The following C4orf33 variants were observed in gnomAD, a reference collection of about 807,000 sequenced individuals.
C4orf33 encodes the protein chromosome 4 open reading frame 33.
In C4orf33, 20 loss-of-function variants were observed where a neutral mutation model predicts 24.3. The ratio of observed to expected loss-of-function variants is 0.82; its 90% CI spans 0.58 to 1.19. C4orf33 has a LOEUF of 1.19. C4orf33 is among the 50% of genes most tolerant of loss of function. The probability of loss-of-function intolerance (pLI) is 0.00; values close to 1 mark genes in which losing one functional copy is unlikely to be tolerated. For synonymous variants in C4orf33, 67 were observed against 76.4 expected (o/e 0.88, Z 0.64); for missense variants, 207 against 225.9 (o/e 0.92, Z 0.54).
chr4:129,111,194 A>C (rs1374567107), intron 5 of C4orf33, among the ~76,000 whole-genome samples: 1 of 152,222 alleles, frequency 6.6e-6, no homozygotes, highest in Admixed American at 6.5e-5. Context: ...TAATGTAGTT[A>C]AGTGGTTTTC....
chr4:129,100,016 A>T (rs1463254599), intron 1 of C4orf33, among the ~76,000 whole-genome samples: 2 of 152,178 alleles, frequency 1.3e-5, no homozygotes, highest in Non-Finnish European at 2.9e-5. Context: ...TGGACTGATC[A>T]GCCATGCACT....
At position 129,116,052 on chromosome 4, in the gene C4orf33, A is replaced by AG. The variant is rs1000599268; in HGVS notation, c.*4262dup. ...ATTTTTCATGGAAGGAATAGTAAAA[A>AG]GAGTTACCTCTGAAGCTAAGATGAC... On this transcript the variant is annotated 3_prime_UTR_variant, in exon 6 of 6. Transcript: ENST00000425929. 2 of 151,800 alleles carry AG rather than the reference A, an allele frequency of 1.3e-5. No individual in the cohort carries two copies. Among genetic ancestry groups the AG allele is most frequent in the African/African-American group, 4.8e-5 (2 of 41,394 alleles). The allele number at this position is 151,800 out of a possible 1,614,324, so 9.4% of individuals were successfully genotyped here.
intron 3 of C4orf33, among the ~76,000 whole-genome samples, chr4:129,108,932 G>A (rs927769335): frequency 7.3e-5 from 11 of 151,410 alleles, no homozygotes; most frequent in Admixed American, 1.3e-4. Flanking sequence ...TTGTTGCCAC[G>A]CTGGAGTACA....
Position 129,103,016 on chromosome 4 carries a change from A to ATTT in C4orf33, c.181+244_181+246dup, listed in dbSNP as rs11383422. 572 of 176,002 alleles carry ATTT rather than the reference A, an allele frequency of 3.2e-3. 4 individuals are homozygous for ATTT. Among genetic ancestry groups the ATTT allele is most frequent in the Middle Eastern group, 0.01 (5 of 478 alleles). The allele number at this position is 176,002 out of a possible 1,614,324, so 10.9% of individuals were successfully genotyped here. On this transcript the variant is annotated intron_variant, in intron 2 of 5. Transcript: ENST00000425929. The stretch of plus-strand genomic sequence containing the variant: ...TAAAAAATGGCAATTACAAATCCAG[A>ATTT]TTTTTTTTTTTTTTTTTTTTTGAGA...
Position 129,109,495 on chromosome 4 carries a change from GAA to G in C4orf33, c.318_319del (p.Arg106SerfsTer37), listed in dbSNP as rs1481746960. The G allele has an allele frequency of 1.2e-6, 2 of 1,613,618 alleles. No individual in the cohort carries two copies. The highest frequency in any genetic ancestry group is 2.2e-5 in the South Asian group (2 of 91,060). On this transcript the variant is annotated frameshift_variant, in exon 5 of 6. Transcript: ENST00000425929. LOFTEE classifies it high-confidence loss of function. ...TAGCAAGAACTTCCTTTATCGTTCA[GAA>G]TGTCCAGAGGAGAGACAAAATGGGA...
rs931597898 is a variant in C4orf33 at position 129,115,391 on chromosome 4, C to T, written c.*3600C>T. The T allele has an allele frequency of 6.6e-6, 1 of 152,124 alleles. No homozygotes were observed. Among genetic ancestry groups the T allele is most frequent in the Non-Finnish European group, 1.5e-5 (1 of 68,040 alleles). The allele number at this position is 152,124 out of a possible 1,614,324, so 9.4% of individuals were successfully genotyped here. ...TTCTGTATTAGTGCTTTTCTGACAC[C>T]TCAGTTATGTGGAACACCTGTGGGA... is the stretch of plus-strand genomic sequence containing the variant. On this transcript the variant is annotated 3_prime_UTR_variant, in exon 6 of 6. Coordinates refer to ENST00000425929, the MANE Select transcript of C4orf33 (RefSeq NM_001099783.2).
At chr4:129,102,311 A>G (rs113161972) in intron 1 of C4orf33, 7 of 220,552 alleles carry the variant, frequency 3.2e-5, no homozygotes, top group Non-Finnish European at 5.3e-5. Flanking sequence ...ATCACTTTTC[A>G]TGTTGAGGTC....
intron 2 of C4orf33, 28 bp from the exon 3 acceptor site, chr4:129,106,559 C>T (rs369388668): frequency 7.8e-6 from 9 of 1,155,790 alleles, no homozygotes; most frequent in Non-Finnish European, 1.0e-5. Context: ...TTAAATATCT[C>T]AATATGTTAT....
chr4:129,102,571 A>G (rs769916599), intron 1 of C4orf33, 31 bp from the exon 2 acceptor site: 1 of 1,475,642 alleles, frequency 6.8e-7, no homozygotes, highest in Non-Finnish European at 9.3e-7. Context: ...GTATATTGTT[A>G]AAGAGTTTGT....
intron 4 of C4orf33, 44 bp from the exon 5 acceptor site, chr4:129,109,429 T>TAAA (rs1753619825): frequency 6.2e-7 from 1 of 1,602,794 alleles, no homozygotes; most frequent in African/African-American, 1.3e-5. Flanking sequence ...GTTTAAAGTG[T>TAAA]AAGCCCAATT....
In C4orf33 at chr4:129,109,487, A is replaced by G. The variant is rs764279956; in HGVS notation, c.309A>G (p.Leu103=). The G allele has an allele frequency of 1.4e-5, 23 of 1,613,126 alleles. No individual in the cohort carries two copies. The highest frequency in any genetic ancestry group is 1.5e-5 in the Non-Finnish European group (18 of 1,179,218). ...TGTTTCTGTAGCAAGAACTTCCTTT[A>G]TCGTTCAGAATGTCCAGAGGAGAGA... ...RRNVWKQELP[L]SFRMSRGETK... Residue 103 remains leucine (L), a synonymous_variant, in exon 5 of 6, where the codon TTA becomes TTG. Transcript: ENST00000425929.
At position 129,113,057 on chromosome 4, in the gene C4orf33, T is replaced by C. The variant is rs540154401; in HGVS notation, c.*1266T>C. 1.3e-5 allele frequency: 2 copies of C among 152,228 alleles called. No homozygotes were observed. The highest frequency in any genetic ancestry group is 3.9e-4 in the East Asian group (2 of 5,188). 9.4% of individuals were successfully genotyped at this position (152,228 alleles called of 1,614,324 possible). A position where few individuals can be genotyped will look rare whatever the true frequency, so the allele number is the denominator to read the frequency against. ...ATCAAAATAAAAACAAGATATATTT[T>C]AGAGCATCTTGATTTTAGAAGCGAA... On this transcript the variant is annotated 3_prime_UTR_variant, in exon 6 of 6. Transcript: ENST00000425929.
intron 2 of C4orf33, among the ~76,000 whole-genome samples, chr4:129,103,897 G>A (rs1753438858): frequency 1.3e-5 from 2 of 152,088 alleles, no homozygotes; most frequent in Non-Finnish European, 2.9e-5. Flanking sequence ...CCATTTGTAA[G>A]CACACATTTT....
At chr4:129,101,397 T>C (rs1304677355) in intron 1 of C4orf33, among the ~76,000 whole-genome samples, 2 of 152,092 alleles carry the variant, frequency 1.3e-5, no homozygotes, top group Admixed American at 1.3e-4. Flanking sequence ...AGATTTCAGA[T>C]AAAAGAAGTT....
chr4:129,111,561 C>A lies in C4orf33; in HGVS notation c.495-125C>A, dbSNP rs1490321210. 6 of 566,574 alleles carry A rather than the reference C, an allele frequency of 1.1e-5. 1 individual carries two copies. The highest frequency in any genetic ancestry group is 6.7e-5 in the Admixed American group (2 of 29,744). The allele number at this position is 566,574 out of a possible 1,614,324, so 35.1% of individuals were successfully genotyped here. A position where few individuals can be genotyped will look rare whatever the true frequency, so the allele number is the denominator to read the frequency against. On this transcript the variant is annotated intron_variant, in intron 5 of 5. Transcript: ENST00000425929. ...AACTGTACATATAAAATATATCTTA[C>A]CTTTAGTATTGCTTAAAATAGAATG...
In C4orf33 at chr4:129,114,340, T is replaced by A. The variant is rs542531643; in HGVS notation, c.*2549T>A. 2 of 152,328 alleles carry A rather than the reference T, an allele frequency of 1.3e-5. No homozygotes were observed. The highest frequency in any genetic ancestry group is 3.9e-4 in the East Asian group (2 of 5,184). The allele number at this position is 152,328 out of a possible 1,614,324, so 9.4% of individuals were successfully genotyped here. On this transcript the variant is annotated 3_prime_UTR_variant, in exon 6 of 6. Coordinates refer to ENST00000425929, the MANE Select transcript of C4orf33 (RefSeq NM_001099783.2). ...CATCCCTCAGTTTAACAATTTATGGTCCCTTCCACACAGCTCCTCAGAAGT... is the reference window on the plus strand; with the variant it reads ...CATCCCTCAGTTTAACAATTTATGGACCCTTCCACACAGCTCCTCAGAAGT...
chr4:129,105,030 G>T (rs1753474624), intron 2 of C4orf33, among the ~76,000 whole-genome samples: 1 of 151,900 alleles, frequency 6.6e-6, no homozygotes, highest in African/African-American at 2.4e-5. Flanking sequence ...GAGTATGTGT[G>T]CTTATGTATG....
At chr4:129,103,785 T>G (rs548483742) in intron 2 of C4orf33, among the ~76,000 whole-genome samples, 2 of 152,326 alleles carry the variant, frequency 1.3e-5, no homozygotes, top group Admixed American at 1.3e-4. Context: ...ACCTTCTCAT[T>G]CTATTCCCCC....
Position 129,112,061 on chromosome 4 carries a change from C to T in C4orf33, c.*270C>T. 4.1e-6 allele frequency: 1 copy of T among 246,740 alleles called. No individual in the cohort carries two copies. Among genetic ancestry groups the T allele is most frequent in the Non-Finnish European group, 7.8e-6 (1 of 128,446 alleles). 15.3% of individuals were successfully genotyped at this position (246,740 alleles called of 1,614,324 possible). ...ATTCCCAGCACACAGTACAGTTATT[C>T]TTGAAAACTACAAGTGAAAAAGGGG... On this transcript the variant is annotated 3_prime_UTR_variant, in exon 6 of 6. Coordinates refer to ENST00000425929, the MANE Select transcript of C4orf33 (RefSeq NM_001099783.2).
Sources: gnomAD v4.1 joint callset for allele counts (sites outside exome capture counted in the v4.1 genomes callset) on GRCh38, gnomAD v4.1.1 for gene constraint, MANE v1.5 for transcripts, NCBI Gene and HGNC (gene_info 2026-07-23, HGNC 2026-07-21) for gene names.